Variants in KCND3 observed in about 807,000 individuals in gnomAD.
KCND3 encodes the protein potassium voltage-gated channel subfamily D member 3.
KCND3 carries 9 observed loss-of-function variants against 51.1 expected under a neutral mutation model. That is an observed-to-expected ratio of 0.18 (90% CI 0.11 to 0.31). KCND3 has a LOEUF of 0.31. Among genes scored for constraint, KCND3 ranks in the 10% least tolerant of loss-of-function variants. The probability of loss-of-function intolerance (pLI) is 1.00; values close to 1 mark genes in which losing one functional copy is unlikely to be tolerated. For missense variants in KCND3, 526 were observed against 903.8 expected (o/e 0.58, Z 5.36); for synonymous variants, 349 against 368.0 (o/e 0.95, Z 0.59).
chr1:111,810,982 C>A (rs775542011), intron 2 of KCND3, among the ~76,000 whole-genome samples: 1 of 152,212 alleles, frequency 6.6e-6, no homozygotes, highest in Non-Finnish European at 1.5e-5. Flanking sequence ...CTGCCTGTCA[C>A]CCCTCCAGCT....
chr1:111,826,709 G>A (rs1019190970), intron 2 of KCND3, among the ~76,000 whole-genome samples: 10 of 152,118 alleles, frequency 6.6e-5, no homozygotes, highest in African/African-American at 2.4e-4. Flanking sequence ...GGACAGTGGC[G>A]CCTCAGAGCA....
chr1:111,867,036 C>T (rs1668610843), intron 2 of KCND3, among the ~76,000 whole-genome samples: 1 of 152,160 alleles, frequency 6.6e-6, no homozygotes, highest in Non-Finnish European at 1.5e-5. Context: ...CAGTTAGTCA[C>T]CTGTGTGATC....
At position 111,776,148 on chromosome 1, in the gene KCND3, G is replaced by T. The variant is rs780988439; in HGVS notation, c.1897C>A (p.Pro633Thr). ...LTPEGESRPP[P>T]ASPGPNTNIP... is the part of the protein sequence containing the mutation. The stretch of plus-strand genomic sequence containing the variant: ...TTCGTGTTGGGGCCTGGGCTGGCAG[G>T]GGGTGGCCGACTTTCCCCCTCTGGG... The change falls in exon 8 of 8, where the codon CCT becomes ACT. Residue 633 changes from proline (P) to threonine (T), a missense_variant. By Grantham distance (38) the Pro-to-Thr change is conservative. This residue lies in a region of KCND3 where 266 missense variants were observed against 305.5 expected (regional missense o/e 0.87). Coordinates refer to ENST00000302127, the MANE Select transcript of KCND3 (RefSeq NM_001378969.1). The T allele has an allele frequency of 2.5e-6, 4 of 1,614,116 alleles. No individual in the cohort carries two copies. The highest frequency in any genetic ancestry group is 1.3e-5 in the African/African-American group (1 of 74,920).
At chr1:111,874,634 T>C (rs1324674492) in intron 2 of KCND3, among the ~76,000 whole-genome samples, 1 of 152,208 alleles carries the variant, frequency 6.6e-6, no homozygotes, top group Non-Finnish European at 1.5e-5. Context: ...GGAAGTCATC[T>C]AAGATGAACT....
intron 2 of KCND3, among the ~76,000 whole-genome samples, chr1:111,899,745 G>A (rs2813866): frequency 0.5 from 76,229 of 152,036 alleles, 20,032 homozygotes; most frequent in East Asian, 0.71. Context: ...GCAAAGGAAG[G>A]CAGGGAACAG....
Position 111,818,114 on chromosome 1 carries a change from A to AGGGCTGGGCATATGAACCTCCCTCCT in KCND3, c.1107-31034_1107-31009dup, listed in dbSNP as rs1666188565. Among the ~76,000 whole-genome samples, 4 of 151,910 alleles carry AGGGCTGGGCATATGAACCTCCCTCCT rather than the reference A, an allele frequency of 2.6e-5. No individual in the cohort carries two copies. The South Asian group carries it at 8.3e-4, about 32-fold the overall frequency. On this transcript the variant is annotated intron_variant, in intron 2 of 7. Coordinates refer to ENST00000302127, the MANE Select transcript of KCND3 (RefSeq NM_001378969.1). ...GCAGCTGTCTTGCCAGCCAGGCTTCAGGGCTGGGCATATGAACCTCCCTCC... is the reference window on the plus strand; with the variant it reads ...GCAGCTGTCTTGCCAGCCAGGCTTCAGGGCTGGGCATATGAACCTCCCTCCTGGGCTGGGCATATGAACCTCCCTCC...
Position 111,778,426 on chromosome 1 carries a change from A to G in KCND3, c.1518+10T>C. On this transcript the variant is annotated intron_variant, in intron 6 of 7. Coordinates refer to ENST00000302127, the MANE Select transcript of KCND3 (RefSeq NM_001378969.1). ...AGAAAAACATCAATTGAATTTTTAA[A>G]AAGTTATACCTTGATGGTGGAGGTT... is the stretch of plus-strand genomic sequence containing the variant. 6.2e-7 allele frequency: 1 copy of G among 1,612,378 alleles called. No homozygotes were observed. The highest frequency in any genetic ancestry group is 8.5e-7 in the Non-Finnish European group (1 of 1,178,418).
At chr1:111,889,395 G>A (rs1669724086) in intron 2 of KCND3, among the ~76,000 whole-genome samples, 2 of 152,228 alleles carry the variant, frequency 1.3e-5, no homozygotes, top group South Asian at 4.1e-4. Context: ...TGGAGCACTG[G>A]CTCTGTCCTA....
At chr1:111,862,411 C>A (rs376008375) in intron 2 of KCND3, among the ~76,000 whole-genome samples, 2 of 152,256 alleles carry the variant, frequency 1.3e-5, no homozygotes, top group African/African-American at 4.8e-5. Flanking sequence ...TGCCCCCAAC[C>A]CTTTCACTAA....
At chr1:111,960,712 C>T (rs1225260714) in intron 2 of KCND3, among the ~76,000 whole-genome samples, 8 of 152,352 alleles carry the variant, frequency 5.3e-5, no homozygotes, top group Admixed American at 1.3e-4. Context: ...TGTAAACCCT[C>T]AGCTGGGGTT....
intron 2 of KCND3, among the ~76,000 whole-genome samples, chr1:111,917,121 A>G (rs758268869): frequency 4.6e-5 from 7 of 152,242 alleles, no homozygotes; most frequent in Non-Finnish European, 1.0e-4. Flanking sequence ...AAAAAATCCT[A>G]CAGCTAACAT....
At chr1:111,908,311 G>A (rs1262592094) in intron 2 of KCND3, among the ~76,000 whole-genome samples, 1 of 152,212 alleles carries the variant, frequency 6.6e-6, no homozygotes, top group Non-Finnish European at 1.5e-5. Flanking sequence ...AAAGCTCAGA[G>A]AGGCAAAATA....
At chr1:111,817,861 T>C (rs1006396847) in intron 2 of KCND3, among the ~76,000 whole-genome samples, 4 of 152,214 alleles carry the variant, frequency 2.6e-5, no homozygotes, top group African/African-American at 9.6e-5. Flanking sequence ...CACATGTGAT[T>C]GGACTTAAAT....
At chr1:111,855,782 G>C (rs908053911) in intron 2 of KCND3, among the ~76,000 whole-genome samples, 1 of 152,174 alleles carries the variant, frequency 6.6e-6, no homozygotes, top group African/African-American at 2.4e-5. Context: ...CAGAGATGTG[G>C]GCAGGGTCTA....
chr1:111,942,588 C>T (rs900308186), intron 2 of KCND3, among the ~76,000 whole-genome samples: 1 of 152,192 alleles, frequency 6.6e-6, no homozygotes, highest in African/African-American at 2.4e-5. Context: ...CCAAGCCCCT[C>T]CTGCCCTCCG....
In KCND3 at chr1:111,780,797, A is replaced by G. The variant is rs1195309269; in HGVS notation, c.1270-6T>C. 1.2e-6 allele frequency: 2 copies of G among 1,607,776 alleles called. No homozygotes were observed. ...ATCCTGGCAAGGCGGGCCTTCTGTG[A>G]TTGGCAGAGATAATAAAAGAATGAG... On this transcript the variant is annotated splice_region_variant and splice_polypyrimidine_tract_variant and intron_variant, in intron 3 of 7. Transcript: ENST00000302127. This position sits in a 1 kb window ranked among gnomAD's most constrained non-coding sequence, Gnocchi z 4.2.
At chr1:111,934,143 C>T (rs1039895138) in intron 2 of KCND3, among the ~76,000 whole-genome samples, 20 of 152,106 alleles carry the variant, frequency 1.3e-4, no homozygotes, top group Non-Finnish European at 2.2e-4. Context: ...CACTCCAAGT[C>T]GCCAGGTTGC....
At chr1:111,895,140 G>A (rs533542586) in intron 2 of KCND3, among the ~76,000 whole-genome samples, 2 of 149,326 alleles carry the variant, frequency 1.3e-5, no homozygotes, top group Admixed American at 1.3e-4. Context: ...GGAGAAGTGG[G>A]GAGGGAGAAG....
intron 2 of KCND3, among the ~76,000 whole-genome samples, chr1:111,897,035 T>C (rs1670146600): frequency 6.6e-6 from 1 of 152,244 alleles, no homozygotes. Context: ...GGGTCTGTCT[T>C]GTCCGCTGTT....
Sources: gnomAD v4.1 joint callset for allele counts (sites outside exome capture counted in the v4.1 genomes callset) on GRCh38, gnomAD v4.1.1 for gene constraint, gnomAD v4.1.1 regional missense constraint, Gnocchi (gnomAD v3.1) non-coding constraint, MANE v1.5 for transcripts, NCBI Gene and HGNC (gene_info 2026-07-23, HGNC 2026-07-21) for gene names.